MYOF: variants seen among roughly 807,000 people sequenced by gnomAD.
The protein encoded by MYOF is fer-1-like 3, myoferlin.
In MYOF, 244 loss-of-function variants were observed where a neutral mutation model predicts 284.2. The ratio of observed to expected loss-of-function variants is 0.86; its 90% CI spans 0.77 to 0.95. The LOEUF is 0.95. Ranked by LOEUF, MYOF falls within the 40% of genes least tolerant of loss-of-function variation. MYOF has a pLI of 0.00. For synonymous variants in MYOF, 904 were observed against 919.7 expected, an observed-to-expected ratio of 0.98 and a Z score of 0.31; for missense variants, 2,496 against 2,560.6, an observed-to-expected ratio of 0.97 and a Z score of 0.54.
intron 1 of MYOF, among the ~76,000 whole-genome samples, chr10:93,460,714 C>A (rs1042059445): frequency 6.7e-6 from 1 of 148,608 alleles, no homozygotes; most frequent in African/African-American, 2.5e-5. Flanking sequence ...TTGCAGTGAG[C>A]CGAGATCAAG....
rs780389296 is a variant in MYOF at position 93,396,142 on chromosome 10, C to G, written c.1417G>C (p.Asp473His). The change falls in exon 16 of 54, where the codon GAT (aspartate) becomes CAT (histidine). Residue 473 changes from aspartate (D) to histidine (H), a missense_variant and splice_region_variant. Physicochemically the swap from Asp to His is moderately conservative, Grantham distance 81. Coordinates refer to ENST00000359263, the MANE Select transcript of MYOF (RefSeq NM_013451.4). ...GTTCTAGATCTGTTGAGTGACTTAC[C>G]TTCCACTTCCCCACCAGAGGCAGCA... ...KIAASGGEVE[D>H]FSSSGTGAAS... 62 of 1,604,144 alleles carry G rather than the reference C, an allele frequency of 3.9e-5. No individual in the cohort carries two copies. The highest frequency in any genetic ancestry group is 5.1e-5 in the Admixed American group (3 of 59,342).
intron 12 of MYOF, among the ~76,000 whole-genome samples, chr10:93,400,018 G>A (rs1201516241): frequency 6.6e-6 from 1 of 152,178 alleles, no homozygotes; most frequent in Admixed American, 6.5e-5. Flanking sequence ...GTGACAGAGT[G>A]AGGCTCTATC....
intron 36 of MYOF, 115 bp from the exon 37 acceptor site, chr10:93,347,897 C>T (rs1844307929): frequency 3.9e-5 from 41 of 1,048,368 alleles, no homozygotes; most frequent in Non-Finnish European, 5.5e-5. Context: ...AGAGGACTCG[C>T]AATAGTTCAG....
chr10:93,373,677 C>T (rs1845699128), intron 23 of MYOF, among the ~76,000 whole-genome samples: 1 of 152,090 alleles, frequency 6.6e-6, no homozygotes, highest in Non-Finnish European at 1.5e-5. Context: ...ACCTATAATC[C>T]TGTGTGCTTT....
chr10:93,381,112 C>A, intron 20 of MYOF, 107 bp downstream of exon 20: 14 of 1,243,114 alleles, frequency 1.1e-5, no homozygotes, highest in Non-Finnish European at 1.6e-5. Flanking sequence ...TTTCCACTAA[C>A]CATAGGCTGC....
intron 32 of MYOF, 114 bp from the exon 33 acceptor site, chr10:93,351,960 A>G: frequency 8.5e-6 from 8 of 936,508 alleles, no homozygotes; most frequent in Non-Finnish European, 1.2e-5. Flanking sequence ...GGCTCTGACC[A>G]CCTGCCTGGA....
chr10:93,322,001 G>A (rs375803426), intron 48 of MYOF, among the ~76,000 whole-genome samples: 1 of 147,988 alleles, frequency 6.8e-6, no homozygotes, highest in African/African-American at 2.5e-5. Context: ...TCCCTGATTT[G>A]AAAAAAAAAA....
intron 25 of MYOF, among the ~76,000 whole-genome samples, chr10:93,367,595 C>A (rs986350840): frequency 6.6e-6 from 1 of 152,058 alleles, no homozygotes; most frequent in East Asian, 1.9e-4. Flanking sequence ...GAATGGAGAG[C>A]AAGACATTCC....
In MYOF at chr10:93,389,052, T is replaced by C. The variant is rs765660946; in HGVS notation, c.1559A>G (p.Tyr520Cys). Reference protein sequence around the residue: ...PREYTGFPDPYDELNTGKGEG... With the variant: ...PREYTGFPDPCDELNTGKGEG... ...AACCTTTCCAGTATTCAGCTCATCA[T>C]AGGGGTCTGGGAATCCCGTGTACTC... Residue 520 changes from tyrosine to cysteine, a missense_variant, in exon 18 of 54, where the codon TAT (tyrosine) becomes TGT (cysteine). Physicochemically the swap from Tyr to Cys is radical, Grantham distance 194 (BLOSUM62 -2). This residue lies in a region of MYOF where 2,436 missense variants were observed against 2,480.7 expected (regional missense o/e 0.98). Coordinates refer to ENST00000359263, the MANE Select transcript of MYOF (RefSeq NM_013451.4). The C allele has an allele frequency of 5.1e-5, 83 of 1,614,012 alleles. No individual in the cohort carries two copies. The highest frequency in any genetic ancestry group is 1.6e-4 in the Middle Eastern group (1 of 6,082).
At chr10:93,361,908 G>A (rs1845093203) in intron 27 of MYOF, among the ~76,000 whole-genome samples, 1 of 152,220 alleles carries the variant, frequency 6.6e-6, no homozygotes, top group Non-Finnish European at 1.5e-5. Context: ...ACATGGGATA[G>A]AACCCATCAG....
chr10:93,394,301 C>G (rs1339683446), intron 16 of MYOF, among the ~76,000 whole-genome samples: 2 of 151,896 alleles, frequency 1.3e-5, no homozygotes, highest in African/African-American at 4.8e-5. Context: ...GGAGTTTCAC[C>G]ATGTTGGCCA....
chr10:93,406,140 G>T (rs1474188648), intron 7 of MYOF, among the ~76,000 whole-genome samples: 2 of 150,504 alleles, frequency 1.3e-5, no homozygotes, highest in East Asian at 4.0e-4. Flanking sequence ...TGTATTTTTA[G>T]TAGAGACGGG....
chr10:93,479,137 G>C (rs2057335885), intron 1 of MYOF, among the ~76,000 whole-genome samples: 1 of 151,348 alleles, frequency 6.6e-6, no homozygotes, highest in Non-Finnish European at 1.5e-5. Context: ...TTCTGGTATG[G>C]CTTTTTCCTT....
rs376901349 is a variant in MYOF, at chr10:93,435,976, GA to G, written c.237-4461del. Among the ~76,000 whole-genome samples, 108 of 150,778 alleles carry G rather than the reference GA, an allele frequency of 7.2e-4. No individual in the cohort carries two copies. In the East Asian group the frequency reaches 0.019, roughly 26 times the overall value. On this transcript the variant is annotated intron_variant, in intron 3 of 53. Coordinates refer to ENST00000359263, the MANE Select transcript of MYOF (RefSeq NM_013451.4). ...AAAGTCCTACTCTCTAATTTAGAGG[GA>G]AAAAAATCTCCTAGAACATGTTCGT...
intron 19 of MYOF, among the ~76,000 whole-genome samples, chr10:93,386,210 T>C (rs1846357382): frequency 6.6e-6 from 1 of 152,166 alleles, no homozygotes; most frequent in Non-Finnish European, 1.5e-5. Flanking sequence ...GGCCTCCAAG[T>C]GGTTTCTGGC....
At position 93,387,786 on chromosome 10, in the gene MYOF, T is replaced by G. The variant is rs1171743424; in HGVS notation, c.1698+11A>C. On this transcript the variant is annotated intron_variant, in intron 19 of 53. Transcript: ENST00000359263. ...TTCTATACCATGCATTACTCACACT[T>G]TAACATTTACCTCAACAACCAGCAG... is the stretch of plus-strand genomic sequence containing the variant. 1 of 1,609,118 alleles carries G rather than the reference T, an allele frequency of 6.2e-7. No individual in the cohort carries two copies. The highest frequency in any genetic ancestry group is 1.1e-5 in the South Asian group (1 of 90,994).
At position 93,310,643 on chromosome 10, in the gene MYOF, C is replaced by T; in HGVS notation, c.5890G>A (p.Gly1964Arg). ...AEKDGARVMA[G>R]KVEMTLEILN... ...ATTTCCAATGTCATCTCCACTTTCCCCTTCAGTAAAGCAGAGCAGGTTAAA... is the reference window on the plus strand; with the variant it reads ...ATTTCCAATGTCATCTCCACTTTCCTCTTCAGTAAAGCAGAGCAGGTTAAA... Residue 1964 changes from glycine to arginine, a missense_variant and splice_region_variant, in exon 52 of 54, where the codon GGG (glycine) becomes AGG (arginine). Gly to Arg is a moderately radical substitution (Grantham distance 125). This residue lies in a region of MYOF where 2,436 missense variants were observed against 2,480.7 expected (regional missense o/e 0.98). Coordinates refer to ENST00000359263, the MANE Select transcript of MYOF (RefSeq NM_013451.4). 2 of 1,614,090 alleles carry T rather than the reference C, an allele frequency of 1.2e-6. 1 individual carries two copies. The highest frequency in any genetic ancestry group is 3.3e-5 in the Admixed American group (2 of 60,016).
At chr10:93,327,923 C>T (rs1275219125) in intron 45 of MYOF, among the ~76,000 whole-genome samples, 2 of 151,884 alleles carry the variant, frequency 1.3e-5, no homozygotes, top group East Asian at 1.9e-4. Flanking sequence ...ACACCCGGCT[C>T]TTCTGTTTGT....
chr10:93,398,755 A>G (rs933451731), intron 13 of MYOF, among the ~76,000 whole-genome samples: 12 of 152,284 alleles, frequency 7.9e-5, no homozygotes, highest in Admixed American at 2.0e-4. Flanking sequence ...TTTCATAATT[A>G]TATGGTTCGA....
Sources: gnomAD v4.1 joint callset for allele counts (sites outside exome capture counted in the v4.1 genomes callset) on GRCh38, gnomAD v4.1.1 for gene constraint, gnomAD v4.1.1 regional missense constraint, MANE v1.5 for transcripts, NCBI Gene and HGNC (gene_info 2026-07-23, HGNC 2026-07-21) for gene names.